NALCN: variants seen among roughly 807,000 people sequenced by gnomAD.
NALCN encodes sodium leak channel, non-selective, also known as sodium leak channel NALCN.
A neutral mutation model predicts 225.3 loss-of-function variants in NALCN; 111 were observed. That is an observed-to-expected ratio of 0.49 (90% CI 0.42 to 0.58). The LOEUF is 0.58. Among genes scored for constraint, NALCN ranks in the 20% least tolerant of loss-of-function variants. The pLI is 0.00. For synonymous variants in NALCN, 764 were observed against 769.0 expected (o/e 0.99, Z 0.11); for missense variants, 1,378 against 2,202.4 (o/e 0.63, Z 7.49).
At chr13:101,235,781 G>A (rs867480844) in intron 12 of NALCN, among the ~76,000 whole-genome samples, 102 of 152,110 alleles carry the variant, frequency 6.7e-4, no homozygotes, top group African/African-American at 2.2e-3. Context: ...TTTTGCCTGG[G>A]TTTGTAGGGG....
rs376746649 is a variant in NALCN, at chr13:101,197,301, G to A, written c.1627-5247C>T. Among the ~76,000 whole-genome samples, 3 of 152,000 alleles carry A rather than the reference G, an allele frequency of 2.0e-5. No individual in the cohort carries two copies. In the South Asian group the frequency reaches 6.2e-4, roughly 32 times the overall value. On this transcript the variant is annotated intron_variant, in intron 13 of 43. Transcript: ENST00000251127. ...CTCTCTCATTCTCTTCTCCTCCTCC[G>A]CGACCCTTTCCTTTTCCTCCTCCTT...
intron 15 of NALCN, among the ~76,000 whole-genome samples, chr13:101,162,205 CA>C (rs1475744013): frequency 1.3e-5 from 2 of 152,218 alleles, no homozygotes; most frequent in Non-Finnish European, 2.9e-5. Flanking sequence ...AAGCTCATCT[CA>C]ATCTTTACAC....
chr13:101,344,551 C>A (rs2045655584), intron 7 of NALCN, among the ~76,000 whole-genome samples: 1 of 152,060 alleles, frequency 6.6e-6, no homozygotes, highest in East Asian at 1.9e-4. Context: ...ATTCTCAAGG[C>A]ATAAAATACT....
chr13:101,220,270 C>T (rs545950019), intron 13 of NALCN, among the ~76,000 whole-genome samples: 11 of 152,146 alleles, frequency 7.2e-5, no homozygotes, highest in Non-Finnish European at 1.3e-4. Context: ...TGTAATTAAC[C>T]AACCTACCTT....
At chr13:101,298,791 C>T (rs1841815787) in intron 7 of NALCN, among the ~76,000 whole-genome samples, 2 of 152,178 alleles carry the variant, frequency 1.3e-5, no homozygotes, top group Non-Finnish European at 2.9e-5. Flanking sequence ...GACCTCTACC[C>T]ACTAAATTCC....
chr13:101,147,353 T>G (rs1431901213), intron 15 of NALCN, among the ~76,000 whole-genome samples: 1 of 137,444 alleles, frequency 7.3e-6, no homozygotes, highest in Non-Finnish European at 1.5e-5. Flanking sequence ...CCTCTCTCTC[T>G]CTTTTTTTTT....
At chr13:101,121,788 A>G (rs1013038858) in intron 18 of NALCN, among the ~76,000 whole-genome samples, 16 of 152,196 alleles carry the variant, frequency 1.1e-4, no homozygotes, top group African/African-American at 3.6e-4. Flanking sequence ...TAAGTTATCC[A>G]GGAACCTTGG....
intron 39 of NALCN, among the ~76,000 whole-genome samples, chr13:101,066,124 G>A (rs1229252485): frequency 6.6e-6 from 1 of 151,974 alleles, no homozygotes; most frequent in African/African-American, 2.4e-5. Flanking sequence ...TCAGGAGTTC[G>A]AGACCAGCCT....
In NALCN at chr13:101,345,327, C is replaced by T. The variant is rs1342851033; in HGVS notation, c.738G>A (p.Met246Ile). The change falls in exon 7 of 44, where the codon ATG (methionine) becomes ATA (isoleucine). Residue 246 changes from methionine (M) to isoleucine (I), a missense_variant. This residue lies in a region of NALCN where 67 missense variants were observed against 82.1 expected (regional missense o/e 0.82). Transcript: ENST00000251127. ...GYQCPPGFKCMDLEDLGLSRQ... is the reference protein window; with the variant it reads ...GYQCPPGFKCIDLEDLGLSRQ... ...TGCTAAGTCCCAGATCTTCAAGGTC[C>T]ATGCATTTAAATCCAGGTGGGCACT... 1 of 1,613,778 alleles carries T rather than the reference C, an allele frequency of 6.2e-7. No homozygotes were observed. The highest frequency in any genetic ancestry group is 1.7e-5 in the Admixed American group (1 of 60,002).
chr13:101,258,512 G>C lies in NALCN; in HGVS notation c.1197C>G (p.Ile399Met), dbSNP rs966445280. 28 of 1,614,118 alleles carry C rather than the reference G, an allele frequency of 1.7e-5. No individual in the cohort carries two copies. Among genetic ancestry groups the C allele is most frequent in the Non-Finnish European group, 2.2e-5 (26 of 1,180,020 alleles). Residue 399 changes from isoleucine (I) to methionine (M), a missense_variant, in exon 11 of 44, where the codon ATC (isoleucine) becomes ATG (methionine). This residue lies in a region of NALCN where 144 missense variants were observed against 187.7 expected (regional missense o/e 0.77). Coordinates refer to ENST00000251127, the MANE Select transcript of NALCN (RefSeq NM_052867.4). ...CTTTGTAGTAGTTGCTAGCCGCCAC[G>C]ATCACGTCCACGGTCACCATGCTCA... is the stretch of plus-strand genomic sequence containing the variant. Reference protein sequence around the residue: ...FILSMVTVDVIVAASNYYKGE... With the variant: ...FILSMVTVDVMVAASNYYKGE...
chr13:101,073,763 T>A, intron 36 of NALCN, 86 bp from the exon 37 acceptor site: 3 of 1,170,692 alleles, frequency 2.6e-6, no homozygotes, highest in Non-Finnish European at 3.6e-6. Context: ...CCAAAACAAG[T>A]GGAGGTTGTA....
At chr13:101,138,956 A>G (rs570581754) in intron 17 of NALCN, among the ~76,000 whole-genome samples, 2 of 152,342 alleles carry the variant, frequency 1.3e-5, no homozygotes, top group African/African-American at 2.4e-5. Context: ...AATTGCTCAC[A>G]GGAACGGTAG....
chr13:101,386,783 T>G (rs2046998844), intron 3 of NALCN, among the ~76,000 whole-genome samples: 2 of 152,168 alleles, frequency 1.3e-5, no homozygotes, highest in Admixed American at 6.5e-5. Flanking sequence ...GTATGACTCT[T>G]AGGTACACCA....
At chr13:101,143,602 T>C (rs1244818176) in intron 16 of NALCN, among the ~76,000 whole-genome samples, 1 of 152,050 alleles carries the variant, frequency 6.6e-6, no homozygotes. Flanking sequence ...GTAGCTGGGA[T>C]TACAGGCATG....
rs1407115160 is a variant in NALCN at position 101,290,514 on chromosome 13, T to C, written c.1047+1476A>G. Among the ~76,000 whole-genome samples the C allele has an allele frequency of 3.9e-5, 6 of 152,228 alleles. No homozygotes were observed. The East Asian group carries it at 1.2e-3, about 29-fold the overall frequency. Reference sequence around the variant, plus strand: ...ATGGTTGATTTCTTGAAGGCTTTTCTACATGGCATTTCTGATATAACCTGG... The same window carrying C: ...ATGGTTGATTTCTTGAAGGCTTTTCCACATGGCATTTCTGATATAACCTGG... On this transcript the variant is annotated intron_variant, in intron 9 of 43. Coordinates refer to ENST00000251127, the MANE Select transcript of NALCN (RefSeq NM_052867.4).
intron 13 of NALCN, among the ~76,000 whole-genome samples, chr13:101,223,069 C>A (rs1023816570): frequency 3.3e-5 from 5 of 152,056 alleles, no homozygotes; most frequent in African/African-American, 1.2e-4. Flanking sequence ...CAATTCAAAC[C>A]CCCCAAACTG....
chr13:101,131,449 T>A (rs2036514505), intron 17 of NALCN, among the ~76,000 whole-genome samples: 1 of 152,196 alleles, frequency 6.6e-6, no homozygotes, highest in East Asian at 1.9e-4. Context: ...TCCTCTTCTG[T>A]TGTTTTAATA....
chr13:101,117,062 A>T (rs2035753869), intron 18 of NALCN: 2 of 463,286 alleles, frequency 4.3e-6, no homozygotes, highest in Admixed American at 4.6e-5. Context: ...CTCCTTTGTG[A>T]GTCAGCCCTA....
intron 37 of NALCN, among the ~76,000 whole-genome samples, chr13:101,072,154 C>T (rs646773): frequency 0.75 from 114,767 of 152,136 alleles, 44,185 homozygotes; most frequent in African/African-American, 0.89. Context: ...TGAAAAAGTC[C>T]GAAATAGTGA....
Sources: allele counts gnomAD v4.1 joint callset (sites outside exome capture counted in the v4.1 genomes callset), GRCh38; gene constraint gnomAD v4.1.1; regional missense constraint gnomAD v4.1.1; transcripts MANE v1.5; gene names NCBI Gene and HGNC (gene_info 2026-07-23, HGNC 2026-07-21).